The following NWD2 variants were observed in gnomAD, a reference collection of about 807,000 sequenced individuals.
NWD2 encodes NACHT and WD repeat domain containing 2, also known as NACHT and WD repeat domain-containing protein 2.
NWD2 carries 37 observed loss-of-function variants against 132.7 expected under a neutral mutation model. The ratio of observed to expected loss-of-function variants is 0.28; its 90% confidence interval spans 0.21 to 0.37. The LOEUF (loss-of-function observed/expected upper bound fraction) is 0.37, where lower values mean the gene tolerates loss of function less well. NWD2 is among the 10% of genes least tolerant of loss of function. NWD2 has a pLI of 1.00. For missense variants in NWD2, 1,592 were observed against 2,122.4 expected, an observed-to-expected ratio of 0.75 and a Z score of 4.91; for synonymous variants, 705 against 803.0, an observed-to-expected ratio of 0.88 and a Z score of 2.06.
At chr4:37,371,031 C>T (rs572083189) in intron 3 of NWD2, among the ~76,000 whole-genome samples, 1 of 150,628 alleles carries the variant, frequency 6.6e-6, no homozygotes, top group African/African-American at 2.4e-5. Context: ...GTTAAACTTA[C>T]AGAAGGCAAA....
intron 1 of NWD2, among the ~76,000 whole-genome samples, chr4:37,313,617 G>C (rs984054528): frequency 4.0e-5 from 6 of 150,954 alleles, no homozygotes; most frequent in Admixed American, 1.3e-4. Flanking sequence ...ATTTTTAGCT[G>C]TAGGGATTTT....
chr4:37,378,973 T>TA (rs1290819667), intron 3 of NWD2, among the ~76,000 whole-genome samples: 3 of 152,236 alleles, frequency 2.0e-5, no homozygotes, highest in Non-Finnish European at 4.4e-5. Context: ...TAAAGCTACT[T>TA]ACAATTGCAG....
chr4:37,345,033 C>T (rs975391460), intron 2 of NWD2, among the ~76,000 whole-genome samples: 22 of 152,266 alleles, frequency 1.4e-4, no homozygotes, highest in Admixed American at 1.4e-3. Context: ...CATGTGGTAA[C>T]ATGCAATGTA....
Position 37,444,454 on chromosome 4 carries a change from G to A in NWD2, c.2466G>A (p.Leu822=). 6.4e-7 allele frequency: 1 copy of A among 1,551,874 alleles called. No homozygotes were observed. Among genetic ancestry groups the A allele is most frequent in the Non-Finnish European group, 8.7e-7 (1 of 1,147,052 alleles). Residue 822 remains leucine (L), a synonymous_variant, in exon 7 of 7, where the codon CTG becomes CTA. Transcript: ENST00000309447. The surrounding 1 kb of genome is among the most constrained non-coding windows in gnomAD (Gnocchi z 4.8). Reference sequence around the variant, plus strand: ...CCTGGGTTTTCCAGTGTAATCCCCTGGAACCTGACATCTTTTTCGTTAATC... The same window carrying A: ...CCTGGGTTTTCCAGTGTAATCCCCTAGAACCTGACATCTTTTTCGTTAATC... ...DQPWVFQCNP[L]EPDIFFVNHR... is the part of the protein sequence containing the mutation.
chr4:37,445,234 T>A lies in NWD2; in HGVS notation c.3246T>A (p.Thr1082=). 1 of 1,551,918 alleles carries A rather than the reference T, an allele frequency of 6.4e-7. No homozygotes were observed. Among genetic ancestry groups the A allele is most frequent in the Non-Finnish European group, 8.7e-7 (1 of 1,147,028 alleles). The change falls in exon 7 of 7, where the codon ACT becomes ACA. Residue 1082 remains threonine, a synonymous_variant. Coordinates refer to ENST00000309447, the MANE Select transcript of NWD2 (RefSeq NM_001144990.2). This position sits in a 1 kb window ranked among gnomAD's most constrained non-coding sequence, Gnocchi z 4.7. The part of the protein sequence containing the change: ...LAWLEASKDV[T]VIDLLYGWPL... ...GGCTCGAAGCCAGCAAAGATGTCAC[T>A]GTCATCGATCTGCTGTACGGATGGC...
At chr4:37,394,640 T>G (rs1720742756) in intron 3 of NWD2, among the ~76,000 whole-genome samples, 1 of 152,082 alleles carries the variant, frequency 6.6e-6, no homozygotes, top group African/African-American at 2.4e-5. Context: ...TTATCTTACC[T>G]GAAAGCTAGT....
At chr4:37,420,951 A>G (rs946239354) in intron 3 of NWD2, among the ~76,000 whole-genome samples, 8 of 152,136 alleles carry the variant, frequency 5.3e-5, no homozygotes, top group Non-Finnish European at 1.2e-4. Flanking sequence ...CCACAGATCC[A>G]CATATCTAAT....
chr4:37,398,925 G>A (rs1221397310), intron 3 of NWD2, among the ~76,000 whole-genome samples: 1 of 152,168 alleles, frequency 6.6e-6, no homozygotes, highest in Non-Finnish European at 1.5e-5. Context: ...GAAAACGCCA[G>A]ATGTGAACAG....
chr4:37,326,468 C>T (rs1383078002), intron 2 of NWD2, among the ~76,000 whole-genome samples: 2 of 152,148 alleles, frequency 1.3e-5, no homozygotes, highest in African/African-American at 4.8e-5. Context: ...CATTGTAGAA[C>T]ATCGTTTTTC....
At chr4:37,268,976 C>G (rs2033621) in intron 1 of NWD2, among the ~76,000 whole-genome samples, 1 of 151,882 alleles carries the variant, frequency 6.6e-6, no homozygotes, top group Non-Finnish European at 1.5e-5. Context: ...AGTAATTGAT[C>G]AAAGTCCATC....
intron 3 of NWD2, among the ~76,000 whole-genome samples, chr4:37,365,604 C>T (rs751991345): frequency 9.2e-5 from 14 of 152,154 alleles, no homozygotes; most frequent in Admixed American, 3.3e-4. Flanking sequence ...GTTATCATAG[C>T]TCTGAAATAG....
chr4:37,314,776 A>G (rs1718925020), intron 1 of NWD2, among the ~76,000 whole-genome samples: 1 of 152,042 alleles, frequency 6.6e-6, no homozygotes, highest in African/African-American at 2.4e-5. Context: ...ATTGATTTGT[A>G]CTATAATCCT....
chr4:37,418,448 CAT>C (rs1238198339), intron 3 of NWD2, among the ~76,000 whole-genome samples: 8 of 151,972 alleles, frequency 5.3e-5, no homozygotes, highest in Non-Finnish European at 8.8e-5. Context: ...GTGGGCTACA[CAT>C]AATGATTTCC....
chr4:37,271,140 C>A (rs375973416), intron 1 of NWD2, among the ~76,000 whole-genome samples: 2 of 151,730 alleles, frequency 1.3e-5, no homozygotes. Flanking sequence ...CCTTGATTAC[C>A]GTAGCTTTAT....
chr4:37,428,321 A>G (rs1396938950), intron 3 of NWD2, among the ~76,000 whole-genome samples: 3 of 152,226 alleles, frequency 2.0e-5, no homozygotes, highest in African/African-American at 7.2e-5. Context: ...GCTAATCAAC[A>G]AGAGGAAAGA....
chr4:37,408,576 G>A (rs1241886493), intron 3 of NWD2, among the ~76,000 whole-genome samples: 3 of 152,214 alleles, frequency 2.0e-5, no homozygotes, highest in Non-Finnish European at 4.4e-5. Context: ...AGAGCATGAG[G>A]GGAAAGGCCT....
At chr4:37,388,645 T>TATATATATCATATATATCATATATAA (rs1279637905) in intron 3 of NWD2, among the ~76,000 whole-genome samples, 3 of 112,616 alleles carry the variant, frequency 2.7e-5, no homozygotes, top group African/African-American at 8.5e-5. Flanking sequence ...CATATATAAA[T>TATATATATCATATATATCATATATAA]ATATATATCA....
chr4:37,383,815 C>T (rs997646907), intron 3 of NWD2, among the ~76,000 whole-genome samples: 1 of 152,072 alleles, frequency 6.6e-6, no homozygotes, highest in Non-Finnish European at 1.5e-5. Flanking sequence ...TGGGTTTTTG[C>T]GCCCTCTAGA....
At chr4:37,389,783 G>T (rs76144307) in intron 3 of NWD2, among the ~76,000 whole-genome samples, 4 of 113,532 alleles carry the variant, frequency 3.5e-5, no homozygotes, top group Admixed American at 8.7e-5. Flanking sequence ...CAAATCATAC[G>T]CATTTTTTTT....
Sources: allele counts gnomAD v4.1 joint callset (sites outside exome capture counted in the v4.1 genomes callset), GRCh38; gene constraint gnomAD v4.1.1; non-coding constraint Gnocchi (gnomAD v3.1); transcripts MANE v1.5; gene names NCBI Gene and HGNC (gene_info 2026-07-23, HGNC 2026-07-21).